Variants in WIF1 observed in about 807,000 individuals in gnomAD.
WIF1 encodes the protein Wnt inhibitory factor 1.
WIF1 carries 35 observed loss-of-function variants against 53.5 expected under a neutral mutation model. The ratio of observed to expected loss-of-function variants is 0.65; its 90% CI spans 0.50 to 0.87. The LOEUF is 0.87. Ranked by LOEUF, WIF1 falls within the 40% of genes least tolerant of loss-of-function variation. WIF1 has a pLI of 0.00. For missense variants in WIF1, 467 were observed against 476.8 expected (o/e 0.98, Z 0.19); for synonymous variants, 171 against 170.4 (o/e 1.00, Z -0.03).
At chr12:65,119,106 C>T (rs1304954940) in intron 2 of WIF1, among the ~76,000 whole-genome samples, 3 of 152,206 alleles carry the variant, frequency 2.0e-5, no homozygotes, top group Admixed American at 2.0e-4. Flanking sequence ...TAAACAGATT[C>T]AGCTGAAAAG....
intron 2 of WIF1, among the ~76,000 whole-genome samples, chr12:65,093,784 G>T (rs1883161123): frequency 6.6e-6 from 1 of 152,090 alleles, no homozygotes; most frequent in South Asian, 2.1e-4. Flanking sequence ...TCGGTTCCCG[G>T]ATGGTCTGGA....
chr12:65,079,180 A>AC, intron 2 of WIF1, among the ~76,000 whole-genome samples: 1 of 151,268 alleles, frequency 6.6e-6, no homozygotes, highest in South Asian at 2.1e-4. Flanking sequence ...AAAAAAAAAA[A>AC]AAAAGTGAAA....
intron 3 of WIF1, among the ~76,000 whole-genome samples, chr12:65,077,020 A>G (rs1420254208): frequency 6.6e-6 from 1 of 152,196 alleles, no homozygotes; most frequent in African/African-American, 2.4e-5. Context: ...TATATTTCTA[A>G]AAGTCAGAAA....
intron 2 of WIF1, among the ~76,000 whole-genome samples, chr12:65,083,156 G>T (rs903006752): frequency 1.3e-5 from 2 of 152,104 alleles, no homozygotes; most frequent in Admixed American, 1.3e-4. Context: ...ATTCAGATTC[G>T]CAGATTCACT....
chr12:65,076,783 T>C (rs900894028), intron 3 of WIF1, among the ~76,000 whole-genome samples: 1 of 151,988 alleles, frequency 6.6e-6, no homozygotes, highest in Admixed American at 6.6e-5. Context: ...AATAAGGGAA[T>C]GTGTATACAA....
At chr12:65,063,870 T>C (rs1003945822) in intron 6 of WIF1, among the ~76,000 whole-genome samples, 6 of 152,002 alleles carry the variant, frequency 3.9e-5, no homozygotes, top group African/African-American at 1.2e-4. Context: ...TACACTACCA[T>C]GCCTGATTAA....
At chr12:65,106,614 G>A (rs185381485) in intron 2 of WIF1, among the ~76,000 whole-genome samples, 4 of 152,132 alleles carry the variant, frequency 2.6e-5, no homozygotes, top group Admixed American at 1.3e-4. Context: ...CCAAAGTGTT[G>A]GGATTACAGG....
chr12:65,054,703 A>G (rs554999169), intron 9 of WIF1, among the ~76,000 whole-genome samples: 2 of 152,212 alleles, frequency 1.3e-5, no homozygotes, highest in Non-Finnish European at 2.9e-5. Context: ...CAAATCATGA[A>G]TTATAAAATC....
At chr12:65,108,643 G>C (rs1883384999) in intron 2 of WIF1, among the ~76,000 whole-genome samples, 2 of 152,016 alleles carry the variant, frequency 1.3e-5, no homozygotes, top group African/African-American at 2.4e-5. Context: ...CCTCTCCACT[G>C]CCTTCCTTGG....
chr12:65,074,231 T>C (rs1409336515), intron 3 of WIF1, among the ~76,000 whole-genome samples: 1 of 151,948 alleles, frequency 6.6e-6, no homozygotes, highest in African/African-American at 2.4e-5. Context: ...GTGCACATTA[T>C]GCAGGTTAGT....
intron 6 of WIF1, among the ~76,000 whole-genome samples, chr12:65,064,581 G>A (rs1461179809): frequency 6.6e-6 from 1 of 151,672 alleles, no homozygotes; most frequent in African/African-American, 2.4e-5. Flanking sequence ...TTTTTGTTGA[G>A]GTAGAAATTT....
At chr12:65,090,148 T>C (rs549843443) in intron 2 of WIF1, among the ~76,000 whole-genome samples, 3 of 151,990 alleles carry the variant, frequency 2.0e-5, no homozygotes, top group South Asian at 4.2e-4. Flanking sequence ...CAGCGGGAGA[T>C]GGGAAAAGGG....
intron 2 of WIF1, among the ~76,000 whole-genome samples, chr12:65,092,445 T>C (rs1161115953): frequency 6.7e-6 from 1 of 149,548 alleles, no homozygotes; most frequent in African/African-American, 2.5e-5. Flanking sequence ...TGTATATATA[T>C]ATGTATATAT....
intron 3 of WIF1, among the ~76,000 whole-genome samples, chr12:65,071,063 C>T (rs12319573): frequency 0.039 from 5,861 of 151,282 alleles, 381 homozygotes; most frequent in African/African-American, 0.14. Context: ...TGGTGAAACC[C>T]GTGTCTACTA....
At chr12:65,102,704 T>C (rs549153266) in intron 2 of WIF1, among the ~76,000 whole-genome samples, 19 of 152,210 alleles carry the variant, frequency 1.2e-4, no homozygotes, top group African/African-American at 4.6e-4. Flanking sequence ...GCAGGCAAGG[T>C]CCCCAGGGTG....
At chr12:65,076,664 C>T (rs939682554) in intron 3 of WIF1, among the ~76,000 whole-genome samples, 1 of 151,800 alleles carries the variant, frequency 6.6e-6, no homozygotes, top group East Asian at 1.9e-4. Context: ...GGTGGAGCCA[C>T]AGTGAACAAA....
At chr12:65,083,541 C>G (rs1405363417) in intron 2 of WIF1, among the ~76,000 whole-genome samples, 2 of 152,120 alleles carry the variant, frequency 1.3e-5, no homozygotes, top group Admixed American at 6.6e-5. Flanking sequence ...CACTAAGACT[C>G]TTTTTATATT....
intron 9 of WIF1, among the ~76,000 whole-genome samples, chr12:65,052,448 G>A (rs535048555): frequency 4.6e-5 from 7 of 152,160 alleles, no homozygotes; most frequent in Non-Finnish European, 8.8e-5. Context: ...TTCTGTTGGC[G>A]AGGGTGAGCC....
chr12:65,084,379 G>T (rs1311351654), intron 2 of WIF1, among the ~76,000 whole-genome samples: 1 of 152,114 alleles, frequency 6.6e-6, no homozygotes, highest in African/African-American at 2.4e-5. Flanking sequence ...CCACAGCCTG[G>T]TTCCTTTATC....
Sources: allele counts gnomAD v4.1 joint callset (sites outside exome capture counted in the v4.1 genomes callset), GRCh38; gene constraint gnomAD v4.1.1; transcripts MANE v1.5; gene names NCBI Gene and HGNC (gene_info 2026-07-23, HGNC 2026-07-21).